Variants in PROSER3 observed in about 807,000 individuals in gnomAD.
PROSER3 encodes proline and serine-rich protein 3.
PROSER3 carries 33 observed loss-of-function variants against 50.2 expected under a neutral mutation model. That is an observed-to-expected ratio of 0.66 (90% CI 0.50 to 0.88). The LOEUF is 0.88. PROSER3 is among the 40% of genes least tolerant of loss of function. PROSER3 has a pLI of 0.00. For synonymous variants in PROSER3, 266 were observed against 259.3 expected (o/e 1.03, Z -0.25); for missense variants, 623 against 612.7 (o/e 1.02, Z -0.18).
At chr19:35,760,322 G>A (rs997578395) in intron 3 of PROSER3, among the ~76,000 whole-genome samples, 3 of 151,958 alleles carry the variant, frequency 2.0e-5, no homozygotes, top group Admixed American at 6.6e-5. Context: ...GGCTCAAGCC[G>A]TCCTCCCACC....
chr19:35,764,400 T>C (rs1390717844), intron 5 of PROSER3, among the ~76,000 whole-genome samples: 1 of 151,966 alleles, frequency 6.6e-6, no homozygotes, highest in African/African-American at 2.4e-5. Context: ...CTCACGCCTG[T>C]AATCCCAGCA....
chr19:35,767,807 G>A (rs768609828), exon 9 of PROSER3: 9 of 1,611,964 alleles, frequency 5.6e-6, no homozygotes, highest in Non-Finnish European at 7.6e-6. Context: ...GGCCAAGGCC[G>A]AGTCTCTGAA....
At chr19:35,767,825 G>T (rs1971207591) in exon 9 of PROSER3, 2 of 1,613,276 alleles carry the variant, frequency 1.2e-6, no homozygotes, top group Non-Finnish European at 1.7e-6. Flanking sequence ...GAAAGCCAAG[G>T]CCTTGCCGCC....
exon 11 of PROSER3, chr19:35,768,461 G>T: frequency 1.9e-6 from 3 of 1,598,188 alleles, no homozygotes; most frequent in Non-Finnish European, 2.5e-6. Flanking sequence ...TGGGATCTTG[G>T]TCCCCTCCAG....
downstream of PROSER3, among the ~76,000 whole-genome samples, chr19:35,770,096 G>C (rs1416673628): frequency 1.3e-5 from 2 of 152,016 alleles, no homozygotes. Context: ...GTAGAGACGG[G>C]GTTTCACCAT....
intron 5 of PROSER3, 55 bp downstream of exon 5, chr19:35,762,411 T>C (rs1439484348): frequency 6.9e-7 from 1 of 1,458,778 alleles, no homozygotes; most frequent in Admixed American, 2.0e-5. Context: ...ACACCAGCCC[T>C]AGGACAGAAT....
intron 3 of PROSER3, 111 bp downstream of exon 3, chr19:35,760,102 C>T: frequency 8.4e-7 from 1 of 1,186,198 alleles, no homozygotes. Context: ...TCTTTTAGGA[C>T]CAGGCAGTTT....
Position 35,758,230 on chromosome 19 carries a change from A to G in PROSER3, c.11+4A>G. 1 of 1,562,612 alleles carries G rather than the reference A, an allele frequency of 6.4e-7. No homozygotes were observed. Among genetic ancestry groups the G allele is most frequent in the Non-Finnish European group, 8.7e-7 (1 of 1,153,384 alleles). ...GGAGCCGCGGGATGGACCGCAGGTG[A>G]GGCCGATCGCTCTTCCAGGGACTAC... is the stretch of plus-strand genomic sequence containing the variant. On this transcript the variant is annotated splice_donor_region_variant and intron_variant, in intron 1 of 10. Coordinates refer to ENST00000396908, the Ensembl canonical transcript of PROSER3.
intron 1 of PROSER3, 110 bp from the exon 2 acceptor site, chr19:35,759,264 T>G: frequency 3.6e-6 from 3 of 832,594 alleles, no homozygotes; most frequent in Non-Finnish European, 5.7e-6. Flanking sequence ...TGACAGTCCG[T>G]CTCCTCCAGG....
chr19:35,762,975 T>C (rs1971008659), intron 5 of PROSER3: 1 of 144,426 alleles, frequency 6.9e-6, no homozygotes, highest in Admixed American at 7.2e-5. Context: ...GAGGTTGCAG[T>C]GAGCCAAGAT....
chr19:35,758,554 G>A (rs554484189), intron 1 of PROSER3: 2 of 334,612 alleles, frequency 6.0e-6, no homozygotes, highest in Non-Finnish European at 1.1e-5. Flanking sequence ...GAACTTTCTC[G>A]CGGAGGCGGA....
chr19:35,760,091 C>T, intron 3 of PROSER3, 100 bp downstream of exon 3: 1 of 1,260,476 alleles, frequency 7.9e-7, no homozygotes, highest in Non-Finnish European at 1.1e-6. Flanking sequence ...TTCTGCAGCA[C>T]TCTTTTAGGA....
At chr19:35,762,391 T>TAGGATA in intron 5 of PROSER3, 35 bp downstream of exon 5, 13 of 1,520,552 alleles carry the variant, frequency 8.5e-6, no homozygotes, top group Non-Finnish European at 1.2e-5. Context: ...CTTGGGTGCC[T>TAGGATA]GAACTGACAA....
At chr19:35,766,856 T>C in exon 8 of PROSER3, 1 of 1,551,624 alleles carries the variant, frequency 6.4e-7, no homozygotes, top group Non-Finnish European at 8.7e-7. Context: ...AGGATGACAT[T>C]CTGTACCAGT....
At chr19:35,764,449 G>A (rs995587086) in intron 5 of PROSER3, among the ~76,000 whole-genome samples, 4 of 152,170 alleles carry the variant, frequency 2.6e-5, no homozygotes, top group South Asian at 2.1e-4. Context: ...CTGAGGTCGC[G>A]AGTTTGAGAC....
At chr19:35,766,725 C>T in intron 7 of PROSER3, 43 bp from the exon 8 acceptor site, 1 of 1,456,640 alleles carries the variant, frequency 6.9e-7, no homozygotes. Flanking sequence ...TGCTGATCTC[C>T]CTGGCCCCTG....
At chr19:35,763,334 T>TG (rs940995227) in intron 5 of PROSER3, among the ~76,000 whole-genome samples, 13 of 151,928 alleles carry the variant, frequency 8.6e-5, no homozygotes, top group African/African-American at 3.1e-4. Context: ...CCTGAGTAGC[T>TG]GGGACTACAG....
At chr19:35,765,087 C>T (rs1193199385) in exon 7 of PROSER3, 3 of 1,614,012 alleles carry the variant, frequency 1.9e-6, no homozygotes, top group Admixed American at 3.3e-5. Context: ...GCCAGCACTT[C>T]CTCATTCCCC....
chr19:35,767,841 C>T, exon 9 of PROSER3: 2 of 1,612,892 alleles, frequency 1.2e-6, no homozygotes, highest in Non-Finnish European at 1.7e-6. Flanking sequence ...CCGCCCGCAG[C>T]GGGGTCAGTG....
Sources: allele counts gnomAD v4.1 joint callset (sites outside exome capture counted in the v4.1 genomes callset), GRCh38; gene constraint gnomAD v4.1.1; transcripts MANE v1.5; gene names NCBI Gene and HGNC (gene_info 2026-07-23, HGNC 2026-07-21).